ALK: variants seen among roughly 807,000 people sequenced by gnomAD.
ALK encodes ALK receptor tyrosine kinase.
A neutral mutation model predicts 163.1 loss-of-function variants in ALK; 74 were observed. The observed-to-expected ratio is 0.45, with a 90% CI of 0.38 to 0.55. The LOEUF (loss-of-function observed/expected upper bound fraction) is 0.55. Among genes scored for constraint, ALK ranks in the 20% least tolerant of loss-of-function variants. The probability of loss-of-function intolerance (pLI) is 0.00; values close to 1 mark genes in which losing one functional copy is unlikely to be tolerated. For synonymous variants in ALK, 960 were observed against 843.2 expected (o/e 1.14, Z -2.40); for missense variants, 2,063 against 2,105.3 (o/e 0.98, Z 0.39).
chr2:29,791,708 CTT>C (rs1386480197), intron 1 of ALK, among the ~76,000 whole-genome samples: 4 of 152,074 alleles, frequency 2.6e-5, no homozygotes, highest in Admixed American at 2.6e-4. Flanking sequence ...GACCAGATCT[CTT>C]GTTTTTCATG....
chr2:29,483,453 A>G (rs1375543545), intron 4 of ALK, among the ~76,000 whole-genome samples: 1 of 152,162 alleles, frequency 6.6e-6, no homozygotes, highest in Non-Finnish European at 1.5e-5. Flanking sequence ...ATCTCCTGGG[A>G]GCTTTTTAGA....
intron 11 of ALK, among the ~76,000 whole-genome samples, chr2:29,258,086 C>T (rs1289723650): frequency 6.6e-6 from 1 of 152,148 alleles, no homozygotes; most frequent in African/African-American, 2.4e-5. Flanking sequence ...TGATCCATGG[C>T]CTCCCAAAGT....
At chr2:29,455,566 CT>C (rs759565832) in intron 4 of ALK, among the ~76,000 whole-genome samples, 11 of 152,162 alleles carry the variant, frequency 7.2e-5, no homozygotes, top group South Asian at 2.1e-4. Flanking sequence ...CTCTCTTTCA[CT>C]GTCAGTTTTC....
intron 11 of ALK, among the ~76,000 whole-genome samples, chr2:29,259,029 A>C (rs1665019574): frequency 6.6e-6 from 1 of 152,220 alleles, no homozygotes; most frequent in African/African-American, 2.4e-5. Context: ...TCATGAGTTC[A>C]TATTGATATT....
chr2:29,265,321 C>A (rs1225375605), intron 11 of ALK, among the ~76,000 whole-genome samples: 4 of 152,096 alleles, frequency 2.6e-5, no homozygotes, highest in African/African-American at 9.7e-5. Context: ...CCTGGCCGAG[C>A]CCTGTGTTTT....
intron 5 of ALK, among the ~76,000 whole-genome samples, chr2:29,369,801 A>G (rs1243354690): frequency 1.3e-5 from 2 of 152,210 alleles, no homozygotes; most frequent in African/African-American, 4.8e-5. Context: ...ATGGAAAATG[A>G]TCTGTCTGCA....
intron 4 of ALK, among the ~76,000 whole-genome samples, chr2:29,409,170 C>G (rs1275050484): frequency 2.6e-5 from 4 of 152,178 alleles, no homozygotes; most frequent in Non-Finnish European, 5.9e-5. Context: ...TTATTCTTGT[C>G]ACCTCTAAAA....
At chr2:29,638,479 T>C (rs1676608934) in intron 3 of ALK, among the ~76,000 whole-genome samples, 1 of 149,852 alleles carries the variant, frequency 6.7e-6, no homozygotes, top group Admixed American at 6.7e-5. Context: ...AGGGAACTTG[T>C]TTGTGGCAAT....
chr2:29,499,739 A>T (rs1235372840), intron 4 of ALK, among the ~76,000 whole-genome samples: 1 of 151,638 alleles, frequency 6.6e-6, no homozygotes, highest in African/African-American at 2.4e-5. Flanking sequence ...ACCACCTTGC[A>T]TGGAGTTCCC....
intron 4 of ALK, among the ~76,000 whole-genome samples, chr2:29,515,015 C>T (rs1672624245): frequency 6.6e-6 from 1 of 152,162 alleles, no homozygotes; most frequent in South Asian, 2.1e-4. Flanking sequence ...GTCCTTTCCC[C>T]TGGCCTTCTC....
intron 11 of ALK, among the ~76,000 whole-genome samples, chr2:29,270,496 C>T (rs114140492): frequency 6.6e-4 from 101 of 152,276 alleles, no homozygotes; most frequent in Non-Finnish European, 1.2e-3. Context: ...GATGCAGTCC[C>T]GGGTTCCTAA....
At position 29,213,443 on chromosome 2, in the gene ALK, C is replaced by T. The variant is rs115068050; in HGVS notation, c.3743+541G>A. 8.2e-3 allele frequency among the ~76,000 whole-genome samples: 1,250 copies of T among 152,264 alleles called. 15 individuals are homozygous for T. Among genetic ancestry groups the T allele is most frequent in the African/African-American group, 0.029 (1,190 of 41,544 alleles). Reference sequence around the variant, plus strand: ...TATACAAAGATGACTAAAACAGCATCCTTGCCTATAAGCCACCCATTGTCA... The same window carrying T: ...TATACAAAGATGACTAAAACAGCATTCTTGCCTATAAGCCACCCATTGTCA... On this transcript the variant is annotated intron_variant, in intron 24 of 28. Transcript: ENST00000389048.
At chr2:29,519,342 C>G (rs1466307039) in intron 4 of ALK, among the ~76,000 whole-genome samples, 1 of 152,144 alleles carries the variant, frequency 6.6e-6, no homozygotes, top group East Asian at 1.9e-4. Context: ...AGGTTCATTT[C>G]TGGTTCATGA....
intron 4 of ALK, among the ~76,000 whole-genome samples, chr2:29,468,587 T>C (rs915168462): frequency 4.6e-5 from 7 of 152,054 alleles, no homozygotes; most frequent in African/African-American, 1.4e-4. Context: ...CAGTGGCTCA[T>C]GCCTGTAATC....
chr2:29,317,769 C>A (rs924269514), intron 8 of ALK, among the ~76,000 whole-genome samples: 3 of 152,030 alleles, frequency 2.0e-5, no homozygotes, highest in Non-Finnish European at 2.9e-5. Flanking sequence ...CATTTCTTGG[C>A]CCCTAAAGAA....
At chr2:29,551,904 T>C (rs1449972697) in intron 3 of ALK, among the ~76,000 whole-genome samples, 1 of 152,216 alleles carries the variant, frequency 6.6e-6, no homozygotes, top group Non-Finnish European at 1.5e-5. Flanking sequence ...CAGTATACCA[T>C]TCAGTGGCAT....
intron 3 of ALK, among the ~76,000 whole-genome samples, chr2:29,666,385 T>G (rs2148266284): frequency 6.6e-6 from 1 of 152,274 alleles, no homozygotes; most frequent in East Asian, 1.9e-4. Flanking sequence ...TGGTATTTTC[T>G]TACTCTGTTG....
chr2:29,570,912 C>A (rs932424722), intron 3 of ALK, among the ~76,000 whole-genome samples: 4 of 152,070 alleles, frequency 2.6e-5, no homozygotes, highest in Non-Finnish European at 5.9e-5. Flanking sequence ...GCAGGAAACA[C>A]AAAATCTTTT....
At chr2:29,356,515 A>T (rs1668250200) in intron 5 of ALK, among the ~76,000 whole-genome samples, 1 of 152,122 alleles carries the variant, frequency 6.6e-6, no homozygotes, top group African/African-American at 2.4e-5. Flanking sequence ...TAATATTCTC[A>T]CTACAGTACA....
Sources: gnomAD v4.1 joint callset for allele counts (sites outside exome capture counted in the v4.1 genomes callset) on GRCh38, gnomAD v4.1.1 for gene constraint, MANE v1.5 for transcripts, NCBI Gene and HGNC (gene_info 2026-07-23, HGNC 2026-07-21) for gene names.